The following ARHGEF3 variants were observed in gnomAD, a reference collection of about 807,000 sequenced individuals.
ARHGEF3 encodes Rho guanine nucleotide exchange factor 3.
In ARHGEF3, 28 loss-of-function variants were observed where a neutral mutation model predicts 63.2. The ratio of observed to expected loss-of-function variants is 0.44; its 90% CI spans 0.33 to 0.61. The LOEUF (loss-of-function observed/expected upper bound fraction) is 0.61, where lower values mean the gene tolerates loss of function less well. Among genes scored for constraint, ARHGEF3 ranks in the 20% least tolerant of loss-of-function variants. The probability of loss-of-function intolerance (pLI) is 0.03; values close to 1 mark genes in which losing one functional copy is unlikely to be tolerated. For missense variants in ARHGEF3, 533 were observed against 659.3 expected (o/e 0.81, Z 2.10); for synonymous variants, 266 against 254.2 (o/e 1.05, Z -0.44).
At chr3:56,866,474 T>G (rs1338991305) in intron 4 of ARHGEF3, among the ~76,000 whole-genome samples, 2 of 152,166 alleles carry the variant, frequency 1.3e-5, no homozygotes, top group Non-Finnish European at 2.9e-5. Flanking sequence ...GCATTCCACC[T>G]TGTCCAGCAG....
rs889852714 is a variant in ARHGEF3 at position 56,996,007 on chromosome 3, T to C, written c.63-37118A>G. Among the ~76,000 whole-genome samples, 10 of 152,224 alleles carry C rather than the reference T, an allele frequency of 6.6e-5. No homozygotes were observed. The East Asian group carries it at 1.9e-3, about 29-fold the overall frequency. On this transcript the variant is annotated intron_variant, in intron 2 of 12. Transcript: ENST00000338458. Reference sequence around the variant, plus strand: ...GGCCCTGGGGGATTGGAACACAAGGTTGGGAGCTTTCAATTGAAAGAAGGA... The same window carrying C: ...GGCCCTGGGGGATTGGAACACAAGGCTGGGAGCTTTCAATTGAAAGAAGGA...
At chr3:56,963,555 T>A (rs1397860331) in intron 2 of ARHGEF3, among the ~76,000 whole-genome samples, 1 of 152,248 alleles carries the variant, frequency 6.6e-6, no homozygotes, top group Non-Finnish European at 1.5e-5. Flanking sequence ...CAGCAAGTTG[T>A]ATATGTTTTA....
At chr3:56,844,604 G>C (rs1436137889) in intron 4 of ARHGEF3, among the ~76,000 whole-genome samples, 1 of 152,160 alleles carries the variant, frequency 6.6e-6, no homozygotes, top group African/African-American at 2.4e-5. Context: ...AATTAAACAG[G>C]TTTTGCTTCA....
At chr3:56,774,871 G>A (rs1455131448) in intron 1 of ARHGEF3, 4 of 778,882 alleles carry the variant, frequency 5.1e-6, no homozygotes, top group East Asian at 7.2e-5. Context: ...CAGCCTGGTT[G>A]ACAGAGACTC....
chr3:56,899,742 A>G (rs2041441696), intron 3 of ARHGEF3, among the ~76,000 whole-genome samples: 1 of 152,172 alleles, frequency 6.6e-6, no homozygotes, highest in Non-Finnish European at 1.5e-5. Flanking sequence ...TGTCCCATGC[A>G]TTTTGCTGCT....
chr3:56,944,088 G>A (rs553634510), intron 3 of ARHGEF3, among the ~76,000 whole-genome samples: 1 of 152,034 alleles, frequency 6.6e-6, no homozygotes, highest in African/African-American at 2.4e-5. Flanking sequence ...AGGCAGAATT[G>A]CTTGAACCCG....
intron 3 of ARHGEF3, chr3:56,916,227 C>T (rs917586516): frequency 6.7e-7 from 1 of 1,488,358 alleles, no homozygotes; most frequent in African/African-American, 1.4e-5. Context: ...TCCTCCCACA[C>T]CTCAGATCCT....
chr3:56,980,079 C>T (rs1417125340), intron 2 of ARHGEF3, among the ~76,000 whole-genome samples: 1 of 152,210 alleles, frequency 6.6e-6, no homozygotes, highest in Admixed American at 6.5e-5. Context: ...AACTCACGCG[C>T]ACCTCAACTT....
chr3:56,924,041 G>C lies in ARHGEF3; in HGVS notation c.129+34782C>G, dbSNP rs1481814236. ...ATGCAGCTTCCTGGAGACCGTATAAGATAAACAATAAACTTTGCAACAAAA... is the reference window on the plus strand; with the variant it reads ...ATGCAGCTTCCTGGAGACCGTATAACATAAACAATAAACTTTGCAACAAAA... On this transcript the variant is annotated intron_variant, in intron 3 of 12. Coordinates refer to the ARHGEF3 transcript ENST00000338458. 2.0e-5 allele frequency among the ~76,000 whole-genome samples: 3 copies of C among 152,142 alleles called. No individual in the cohort carries two copies. The East Asian group carries it at 5.8e-4, about 29-fold the overall frequency.
chr3:56,999,067 T>A (rs566295903), intron 2 of ARHGEF3, among the ~76,000 whole-genome samples: 15 of 152,164 alleles, frequency 9.9e-5, no homozygotes, highest in African/African-American at 3.4e-4. Flanking sequence ...GTTGTTGTTT[T>A]GAGATAGAGT....
rs143112473 is a variant in ARHGEF3, at chr3:56,918,537, G to A, written c.130-36183C>T. On this transcript the variant is annotated intron_variant, in intron 3 of 12. Transcript: ENST00000338458. ...GCAGTGGAGCAGGGAGGGGCAGAGA[G>A]AGGGCCAACAGATGCCCTGGCAGGG... 1.8e-3 allele frequency among the ~76,000 whole-genome samples: 268 copies of A among 151,202 alleles called. 1 individual carries two copies. The highest frequency in any genetic ancestry group is 6.3e-3 in the African/African-American group (259 of 41,114).
At chr3:56,888,268 C>T (rs1420527723) in intron 3 of ARHGEF3, among the ~76,000 whole-genome samples, 1 of 152,210 alleles carries the variant, frequency 6.6e-6, no homozygotes, top group Non-Finnish European at 1.5e-5. Flanking sequence ...AGGCACATCC[C>T]TGACCAACGA....
intron 4 of ARHGEF3, among the ~76,000 whole-genome samples, chr3:56,869,377 T>A (rs577513455): frequency 1.5e-4 from 23 of 152,168 alleles, no homozygotes; most frequent in Non-Finnish European, 2.6e-4. Flanking sequence ...TCATACTGAG[T>A]CAGCTCTCTC....
At chr3:57,062,238 G>A (rs962267149) in intron 1 of ARHGEF3, among the ~76,000 whole-genome samples, 1 of 152,234 alleles carries the variant, frequency 6.6e-6, no homozygotes, top group African/African-American at 2.4e-5. Context: ...CTCTGGGCCT[G>A]TCCTCACTGC....
chr3:56,772,090 T>A (rs1026857297), intron 2 of ARHGEF3, among the ~76,000 whole-genome samples: 1 of 152,194 alleles, frequency 6.6e-6, no homozygotes, highest in African/African-American at 2.4e-5. Flanking sequence ...CCTTATTTTC[T>A]CTTTCCTCCA....
chr3:57,014,365 C>A (rs1702875247), intron 2 of ARHGEF3, among the ~76,000 whole-genome samples: 1 of 152,174 alleles, frequency 6.6e-6, no homozygotes, highest in Non-Finnish European at 1.5e-5. Context: ...ACCACTACAG[C>A]ACCTTCCTTC....
At position 56,801,914 on chromosome 3, in the gene ARHGEF3, A is replaced by G. The variant is rs1559953629; in HGVS notation, c.-116T>C. The stretch of plus-strand genomic sequence containing the variant: ...GCCGGGCGGCGGCGGCGACACGGAG[A>G]CCGACAGCCGGCTTCTAGCCGGGCA... On this transcript the variant is annotated 5_prime_UTR_variant, in exon 1 of 10. Coordinates refer to ENST00000296315, the MANE Select transcript of ARHGEF3 (RefSeq NM_019555.3). 1.4e-6 allele frequency: 2 copies of G among 1,459,594 alleles called. No individual in the cohort carries two copies. The highest frequency in any genetic ancestry group is 9.1e-7 in the Non-Finnish European group (1 of 1,093,984). The allele number at this position is 1,459,594 out of a possible 1,614,324, so 90.4% of individuals were successfully genotyped here.
intron 3 of ARHGEF3, among the ~76,000 whole-genome samples, chr3:56,908,683 G>A (rs1444144042): frequency 2.0e-5 from 3 of 152,096 alleles, no homozygotes; most frequent in Non-Finnish European, 4.4e-5. Flanking sequence ...TGCTTGGGGG[G>A]AAATGTTAAT....
chr3:56,774,399 T>C (rs1227201860), intron 1 of ARHGEF3, among the ~76,000 whole-genome samples: 1 of 152,140 alleles, frequency 6.6e-6, no homozygotes, highest in Non-Finnish European at 1.5e-5. Context: ...TTAATATTTA[T>C]AAATTATAAC....
Sources: allele counts gnomAD v4.1 joint callset (sites outside exome capture counted in the v4.1 genomes callset), GRCh38; gene constraint gnomAD v4.1.1; transcripts MANE v1.5; gene names NCBI Gene and HGNC (gene_info 2026-07-23, HGNC 2026-07-21).